Variants in NHSL1 observed in about 807,000 individuals in gnomAD.
The protein encoded by NHSL1 is NHS-like protein 1.
NHSL1 carries 48 observed loss-of-function variants against 95.0 expected under a neutral mutation model. The ratio of observed to expected loss-of-function variants is 0.51; its 90% CI spans 0.40 to 0.64. The LOEUF (loss-of-function observed/expected upper bound fraction) is 0.64, where lower values mean the gene tolerates loss of function less well. Among genes scored for constraint, NHSL1 ranks in the 30% least tolerant of loss-of-function variants. NHSL1 has a pLI of 0.00. For synonymous variants in NHSL1, 783 were observed against 833.9 expected, an observed-to-expected ratio of 0.94 and a Z score of 1.05; for missense variants, 1,971 against 2,077.7, an observed-to-expected ratio of 0.95 and a Z score of 1.00.
intron 1 of NHSL1, among the ~76,000 whole-genome samples, chr6:138,663,830 C>T (rs1399151702): frequency 6.6e-6 from 1 of 152,100 alleles, no homozygotes; most frequent in African/African-American, 2.4e-5. Context: ...GAGATTGTGC[C>T]ACTGCACTCC....
At position 138,507,105 on chromosome 6, in the gene NHSL1, C is replaced by T. The variant is rs185567940; in HGVS notation, c.17-10734G>A. Among the ~76,000 whole-genome samples, 5 of 152,216 alleles carry T rather than the reference C, an allele frequency of 3.3e-5. No homozygotes were observed. In the East Asian group the frequency reaches 9.6e-4, roughly 29 times the overall value. The stretch of plus-strand genomic sequence containing the variant: ...GTTTTAACTCCCTACTGAAGAGCTG[C>T]CATGTAAGAGGAATATTAGAGCAGC... On this transcript the variant is annotated intron_variant, in intron 1 of 4. Transcript: ENST00000342260.
intron 3 of NHSL1, among the ~76,000 whole-genome samples, chr6:138,456,963 A>G (rs1777653512): frequency 6.6e-6 from 1 of 151,104 alleles, no homozygotes; most frequent in Non-Finnish European, 1.5e-5. Flanking sequence ...AGCTCACTGC[A>G]ACCTCCACCT....
chr6:138,449,956 T>A (rs961820783), intron 3 of NHSL1, among the ~76,000 whole-genome samples: 1 of 152,200 alleles, frequency 6.6e-6, no homozygotes, highest in African/African-American at 2.4e-5. Flanking sequence ...ATACTCAATT[T>A]ATAAACTGAG....
intron 1 of NHSL1, among the ~76,000 whole-genome samples, chr6:138,656,054 C>T (rs564936821): frequency 1.3e-5 from 2 of 152,292 alleles, no homozygotes; most frequent in Admixed American, 6.5e-5. Flanking sequence ...CTGGACATGC[C>T]GCAGGCAACT....
At chr6:138,622,940 G>GT (rs1318535280) in intron 1 of NHSL1, among the ~76,000 whole-genome samples, 1 of 152,116 alleles carries the variant, frequency 6.6e-6, no homozygotes, top group Non-Finnish European at 1.5e-5. Flanking sequence ...GATAAAGTAG[G>GT]TAACACTACA....
upstream of NHSL1, among the ~76,000 whole-genome samples, chr6:138,576,746 T>C (rs747258041): frequency 3.3e-5 from 5 of 152,162 alleles, no homozygotes; most frequent in Non-Finnish European, 4.4e-5. Flanking sequence ...AGGGTTGAAA[T>C]GGCTGAAATG....
chr6:138,523,627 G>GAAAAAAA lies in NHSL1; in HGVS notation c.16+21989_16+21995dup, dbSNP rs67335375. ...CCCAGCCTAGAGATGTTTTAAAGAG[G>GAAAAAAA]AAAAAAAAAAAAAAAAAAAAAAAAA... On this transcript the variant is annotated intron_variant, in intron 1 of 4. Coordinates refer to the NHSL1 transcript ENST00000342260. 4.8e-3 allele frequency among the ~76,000 whole-genome samples: 314 copies of GAAAAAAA among 64,864 alleles called. 28 individuals carry two copies. Among genetic ancestry groups the GAAAAAAA allele is most frequent in the Non-Finnish European group, 7.0e-3 (219 of 31,096 alleles). 42.6% of individuals were successfully genotyped at this position (64,864 alleles called of 152,430 possible). A position where few individuals can be genotyped will look rare whatever the true frequency, so the allele number is the denominator to read the frequency against.
chr6:138,635,474 A>C (rs573993703), intron 1 of NHSL1, among the ~76,000 whole-genome samples: 1 of 152,314 alleles, frequency 6.6e-6, no homozygotes, highest in Admixed American at 6.5e-5. Context: ...CAATACCAAG[A>C]TTGAACCATG....
chr6:138,436,948 G>C (rs948145066), intron 5 of NHSL1, among the ~76,000 whole-genome samples: 2 of 151,992 alleles, frequency 1.3e-5, no homozygotes, highest in African/African-American at 4.8e-5. Flanking sequence ...GAGATCTACT[G>C]CTCAGAAAAA....
intron 1 of NHSL1, among the ~76,000 whole-genome samples, chr6:138,566,900 A>ATTT (rs1464605146): frequency 6.6e-6 from 1 of 152,192 alleles, no homozygotes; most frequent in Non-Finnish European, 1.5e-5. Context: ...GAGCAAAACC[A>ATTT]TGACATTCAC....
At chr6:138,612,371 A>T (rs1002072010) in intron 1 of NHSL1, among the ~76,000 whole-genome samples, 3 of 152,192 alleles carry the variant, frequency 2.0e-5, no homozygotes, top group Admixed American at 2.0e-4. Context: ...ATTAGCAACA[A>T]CTAAGTGCCC....
At chr6:138,664,781 C>G (rs188252681) in intron 1 of NHSL1, among the ~76,000 whole-genome samples, 14 of 152,330 alleles carry the variant, frequency 9.2e-5, no homozygotes, top group African/African-American at 3.1e-4. Context: ...GCTGGCTAAT[C>G]TGAAATCTGC....
At chr6:138,647,801 T>G (rs1317302273) in intron 1 of NHSL1, among the ~76,000 whole-genome samples, 1 of 152,140 alleles carries the variant, frequency 6.6e-6, no homozygotes. Flanking sequence ...TTTCACCATG[T>G]TGGCAAGGCT....
At chr6:138,585,316 G>T (rs1380716896) in intron 1 of NHSL1, among the ~76,000 whole-genome samples, 1 of 152,162 alleles carries the variant, frequency 6.6e-6, no homozygotes, top group East Asian at 1.9e-4. Context: ...ATGAGGAAAA[G>T]AAGTGAGCAC....
At chr6:138,664,421 A>G (rs1785268525) in intron 1 of NHSL1, among the ~76,000 whole-genome samples, 2 of 152,218 alleles carry the variant, frequency 1.3e-5, no homozygotes, top group Non-Finnish European at 2.9e-5. Context: ...TATGCCAAGA[A>G]TTACAATAAC....
At chr6:138,469,930 G>A (rs1162101588) in intron 3 of NHSL1, among the ~76,000 whole-genome samples, 1 of 152,098 alleles carries the variant, frequency 6.6e-6, no homozygotes, top group African/African-American at 2.4e-5. Context: ...ACTGAATGAG[G>A]TAGCTCAAAG....
At chr6:138,509,256 T>A (rs1466970545) in intron 1 of NHSL1, among the ~76,000 whole-genome samples, 1 of 152,160 alleles carries the variant, frequency 6.6e-6, no homozygotes, top group Non-Finnish European at 1.5e-5. Context: ...TAGAAAAAAA[T>A]TGATGCAACC....
At chr6:138,647,512 A>C (rs1391336661) in intron 1 of NHSL1, among the ~76,000 whole-genome samples, 1 of 152,176 alleles carries the variant, frequency 6.6e-6, no homozygotes, top group Non-Finnish European at 1.5e-5. Context: ...CAGTCAACCT[A>C]CAGAGGCATT....
chr6:138,518,363 T>C (rs1258436705), intron 1 of NHSL1, among the ~76,000 whole-genome samples: 1 of 151,664 alleles, frequency 6.6e-6, no homozygotes, highest in Non-Finnish European at 1.5e-5. Flanking sequence ...ATGGACTCTC[T>C]TTCTGGAGAG....
Sources: allele counts gnomAD v4.1 joint callset (sites outside exome capture counted in the v4.1 genomes callset), GRCh38; gene constraint gnomAD v4.1.1; transcripts MANE v1.5; gene names NCBI Gene and HGNC (gene_info 2026-07-23, HGNC 2026-07-21).